The following KIAA1217 variants were observed in gnomAD, a reference collection of about 807,000 sequenced individuals.
KIAA1217 encodes the protein sickle tail protein homolog.
In KIAA1217, 88 loss-of-function variants were observed where a neutral mutation model predicts 163.9. That is an observed-to-expected ratio of 0.54 (90% confidence interval 0.45 to 0.64). KIAA1217 has a LOEUF of 0.64. KIAA1217 is among the 30% of genes least tolerant of loss of function. The pLI, the probability that KIAA1217 is intolerant of heterozygous loss-of-function variation, is 0.00. For synonymous variants in KIAA1217, 903 were observed against 923.1 expected (o/e 0.98, Z 0.39); for missense variants, 2,372 against 2,475.0 (o/e 0.96, Z 0.88).
chr10:23,986,964 G>A (rs1296103609), intron 1 of KIAA1217, among the ~76,000 whole-genome samples: 2 of 152,138 alleles, frequency 1.3e-5, no homozygotes, highest in African/African-American at 4.8e-5. Context: ...TTGTCAGGGG[G>A]CCTTCACAGA....
intron 2 of KIAA1217, among the ~76,000 whole-genome samples, chr10:24,290,079 G>T (rs1317769351): frequency 1.3e-5 from 2 of 152,146 alleles, no homozygotes; most frequent in East Asian, 1.9e-4. Flanking sequence ...GGCTAGGCAA[G>T]AGTCCTAGGA....
chr10:23,718,864 G>A (rs1045772978), intron 1 of KIAA1217, among the ~76,000 whole-genome samples: 1 of 142,740 alleles, frequency 7.0e-6, no homozygotes, highest in Middle Eastern at 3.5e-3. Flanking sequence ...GAGAGAGAGA[G>A]AAGAGAGAGA....
intron 3 of KIAA1217, among the ~76,000 whole-genome samples, chr10:24,392,484 G>C (rs551174697): frequency 3.0e-4 from 45 of 152,180 alleles, no homozygotes; most frequent in Non-Finnish European, 4.4e-4. Context: ...GGAAAAAGTT[G>C]ATGTAGTCTT....
chr10:24,123,460 T>C (rs1041885200), intron 2 of KIAA1217, among the ~76,000 whole-genome samples: 5 of 152,168 alleles, frequency 3.3e-5, no homozygotes, highest in African/African-American at 9.6e-5. Context: ...CAGTGTTCCT[T>C]GTACACGTCT....
intron 1 of KIAA1217, among the ~76,000 whole-genome samples, chr10:24,212,117 G>C (rs2068216215): frequency 6.6e-6 from 1 of 151,688 alleles, no homozygotes; most frequent in Admixed American, 6.6e-5. Context: ...AGAGAGGAGG[G>C]GAGGAGAGGA....
intron 1 of KIAA1217, among the ~76,000 whole-genome samples, chr10:23,935,263 C>T (rs1004102967): frequency 6.6e-4 from 101 of 152,258 alleles, no homozygotes; most frequent in African/African-American, 2.2e-3. Context: ...CACTTACAGA[C>T]GATGGGCTTA....
chr10:23,890,217 T>C (rs535069300), intron 1 of KIAA1217, among the ~76,000 whole-genome samples: 1 of 151,770 alleles, frequency 6.6e-6, no homozygotes, highest in Non-Finnish European at 1.5e-5. Context: ...TTGTTAATTC[T>C]CTATTTTCAT....
chr10:23,986,194 C>T (rs1009924832), intron 1 of KIAA1217, among the ~76,000 whole-genome samples: 2 of 152,184 alleles, frequency 1.3e-5, no homozygotes, highest in Non-Finnish European at 2.9e-5. Context: ...AACTGTGCCT[C>T]GAGCATATTA....
intron 1 of KIAA1217, among the ~76,000 whole-genome samples, chr10:23,811,671 G>A (rs34151376): frequency 0.2 from 30,993 of 151,786 alleles, 3,339 homozygotes; most frequent in Middle Eastern, 0.29. Context: ...AGCAAGAGAT[G>A]GTGAAGGCAA....
At chr10:23,842,071 T>C (rs1288553732) in intron 1 of KIAA1217, among the ~76,000 whole-genome samples, 2 of 152,068 alleles carry the variant, frequency 1.3e-5, no homozygotes, top group South Asian at 2.1e-4. Flanking sequence ...TTTTGCCATG[T>C]TGGCCAGGCT....
At chr10:24,349,821 G>T (rs1375672185) in intron 2 of KIAA1217, among the ~76,000 whole-genome samples, 1 of 152,234 alleles carries the variant, frequency 6.6e-6, no homozygotes, top group Admixed American at 6.5e-5. Context: ...CTGGAGTAGA[G>T]ATTGTTGGCA....
chr10:24,385,325 T>C (rs1433524950), intron 3 of KIAA1217, among the ~76,000 whole-genome samples: 4 of 152,224 alleles, frequency 2.6e-5, no homozygotes, highest in African/African-American at 7.2e-5. Flanking sequence ...AGGCTGAGCA[T>C]GGTGCATTTC....
chr10:24,310,146 C>T (rs550136383), intron 2 of KIAA1217, among the ~76,000 whole-genome samples: 196 of 152,238 alleles, frequency 1.3e-3, no homozygotes, highest in African/African-American at 4.6e-3. Flanking sequence ...TTTTTAATAT[C>T]CTGGAAATGT....
At chr10:24,494,176 T>C (rs1427922199) in intron 6 of KIAA1217, among the ~76,000 whole-genome samples, 1 of 152,174 alleles carries the variant, frequency 6.6e-6, no homozygotes, top group East Asian at 1.9e-4. Flanking sequence ...AGCCCTTTTG[T>C]GCAAGGTGAA....
intron 1 of KIAA1217, among the ~76,000 whole-genome samples, chr10:23,995,475 TGTGTGTGA>T (rs1286255606): frequency 2.0e-5 from 3 of 151,728 alleles, no homozygotes; most frequent in Non-Finnish European, 4.4e-5. Context: ...TGTGTGTGTG[TGTGTGTGA>T]GTGTGTGTGT....
At chr10:23,964,535 T>C (rs1487736749) in intron 1 of KIAA1217, among the ~76,000 whole-genome samples, 1 of 152,140 alleles carries the variant, frequency 6.6e-6, no homozygotes, top group Non-Finnish European at 1.5e-5. Context: ...GGTTTTCTTC[T>C]AGGGTTTTTA....
intron 3 of KIAA1217, among the ~76,000 whole-genome samples, chr10:24,388,505 A>G (rs2130734906): frequency 6.6e-6 from 1 of 152,338 alleles, no homozygotes; most frequent in Non-Finnish European, 1.5e-5. Context: ...ATGGGCAAAG[A>G]CTTCATGACT....
chr10:24,402,973 A>C (rs1357465494), intron 3 of KIAA1217, among the ~76,000 whole-genome samples: 1 of 152,174 alleles, frequency 6.6e-6, no homozygotes, highest in Non-Finnish European at 1.5e-5. Context: ...TGGAGGAACA[A>C]TAGCTTTTTT....
intron 2 of KIAA1217, among the ~76,000 whole-genome samples, chr10:24,276,418 G>A (rs4748935): frequency 0.92 from 140,566 of 152,248 alleles, 65,147 homozygotes; most frequent in African/African-American, 0.97. Flanking sequence ...GTTAATAAGA[G>A]TCCTGAGGAA....
Sources: allele counts gnomAD v4.1 joint callset (sites outside exome capture counted in the v4.1 genomes callset), GRCh38; gene constraint gnomAD v4.1.1; transcripts MANE v1.5; gene names NCBI Gene and HGNC (gene_info 2026-07-23, HGNC 2026-07-21).